TAFA2: variants seen among roughly 807,000 people sequenced by gnomAD.
TAFA2 encodes the protein TAFA chemokine like family member 2.
TAFA2 carries 7 observed loss-of-function variants against 18.8 expected under a neutral mutation model. That is an observed-to-expected ratio of 0.37 (90% CI 0.21 to 0.70). The LOEUF (loss-of-function observed/expected upper bound fraction) is 0.70, where lower values mean the gene tolerates loss of function less well. TAFA2 is among the 30% of genes least tolerant of loss of function. TAFA2 has a pLI of 0.53. For synonymous variants in TAFA2, 60 were observed against 54.2 expected (o/e 1.11, Z -0.47); for missense variants, 122 against 158.1 (o/e 0.77, Z 1.23).
At chr12:61,771,819 G>T (rs1870036257) in intron 2 of TAFA2, among the ~76,000 whole-genome samples, 1 of 143,972 alleles carries the variant, frequency 6.9e-6, no homozygotes, top group South Asian at 2.2e-4. Flanking sequence ...ACACCTCAAG[G>T]AACTAGAGAA....
chr12:61,913,038 T>A (rs1200147318), intron 1 of TAFA2, among the ~76,000 whole-genome samples: 1 of 152,206 alleles, frequency 6.6e-6, no homozygotes, highest in Non-Finnish European at 1.5e-5. Flanking sequence ...GATTTACCTA[T>A]TTATCTATCT....
chr12:62,050,801 C>A (rs542637424), intron 1 of TAFA2, among the ~76,000 whole-genome samples: 1 of 152,268 alleles, frequency 6.6e-6, no homozygotes, highest in South Asian at 2.1e-4. Flanking sequence ...GATGTCACAT[C>A]AGTAGCTTGA....
chr12:61,941,963 G>GGCCT (rs1478061376), intron 1 of TAFA2, among the ~76,000 whole-genome samples: 4 of 152,054 alleles, frequency 2.6e-5, no homozygotes, highest in African/African-American at 7.3e-5. Flanking sequence ...AGCTCAAGGA[G>GGCCT]GCCTGCCTGC....
At chr12:61,862,882 TTA>T (rs1448808346) in intron 2 of TAFA2, among the ~76,000 whole-genome samples, 2 of 152,198 alleles carry the variant, frequency 1.3e-5, no homozygotes, top group Non-Finnish European at 2.9e-5. Flanking sequence ...TCCAGAGCAT[TTA>T]TATCATAAAA....
At chr12:61,880,512 G>A (rs1213778981) in intron 1 of TAFA2, 6 of 521,770 alleles carry the variant, frequency 1.1e-5, no homozygotes, top group African/African-American at 2.0e-5. Flanking sequence ...CTGCTGGAGG[G>A]TGAAGAGAGC....
intron 1 of TAFA2, among the ~76,000 whole-genome samples, chr12:62,108,967 G>C (rs1052457576): frequency 2.6e-5 from 4 of 152,156 alleles, no homozygotes; most frequent in Non-Finnish European, 4.4e-5. Context: ...TTGCTATGCA[G>C]AAGCTCTTTA....
chr12:62,170,259 A>G (rs2062468481), intron 1 of TAFA2, among the ~76,000 whole-genome samples: 2 of 152,208 alleles, frequency 1.3e-5, no homozygotes, highest in African/African-American at 2.4e-5. Flanking sequence ...AATAATAATA[A>G]TAAGTAAAAA....
At chr12:61,909,902 G>T (rs1876527226) in intron 1 of TAFA2, among the ~76,000 whole-genome samples, 1 of 152,166 alleles carries the variant, frequency 6.6e-6, no homozygotes, top group Non-Finnish European at 1.5e-5. Context: ...ATACCATACT[G>T]CCTTTTAAAT....
intron 1 of TAFA2, among the ~76,000 whole-genome samples, chr12:61,975,737 T>A (rs1879410039): frequency 6.6e-6 from 1 of 151,808 alleles, no homozygotes; most frequent in Non-Finnish European, 1.5e-5. Flanking sequence ...TTATCCCCTT[T>A]GAGGTTGTTG....
intron 1 of TAFA2, among the ~76,000 whole-genome samples, chr12:62,026,773 T>C (rs184780983): frequency 6.6e-6 from 1 of 152,280 alleles, no homozygotes; most frequent in East Asian, 1.9e-4. Flanking sequence ...ATTTAGAGTT[T>C]AAACAAAATG....
Position 61,720,707 on chromosome 12 carries a change from G to A in TAFA2, c.385-10290C>T, listed in dbSNP as rs149526961. 3.8e-4 allele frequency: 136 copies of A among 361,686 alleles called. No individual in the cohort carries two copies. In the East Asian group the frequency reaches 7.2e-3, roughly 19 times the overall value. 22.4% of individuals were successfully genotyped at this position (361,686 alleles called of 1,614,324 possible). On this transcript the variant is annotated intron_variant, in intron 4 of 4. Coordinates refer to ENST00000416284, the MANE Select transcript of TAFA2 (RefSeq NM_178539.5). ...CACACCTGCTGCTTTAAACCAAGAC[G>A]GGAGCTCATTTCTGGAGTTGTTTTG...
chr12:61,974,480 T>C (rs1592524399), intron 1 of TAFA2, among the ~76,000 whole-genome samples: 1 of 151,998 alleles, frequency 6.6e-6, no homozygotes, highest in Non-Finnish European at 1.5e-5. Context: ...GATTTGATGC[T>C]ATAATTTTTA....
intron 1 of TAFA2, among the ~76,000 whole-genome samples, chr12:62,018,586 T>C (rs1433296427): frequency 6.6e-6 from 1 of 152,164 alleles, no homozygotes; most frequent in East Asian, 1.9e-4. Flanking sequence ...AGATTCCCTA[T>C]TTAATAAATG....
chr12:61,943,630 CA>C (rs931150181), intron 1 of TAFA2, among the ~76,000 whole-genome samples: 4 of 151,136 alleles, frequency 2.6e-5, no homozygotes, highest in Non-Finnish European at 5.9e-5. Flanking sequence ...CAATGGAAAA[CA>C]AAAAAAGGCA....
chr12:62,069,544 T>A (rs183078914), intron 1 of TAFA2, among the ~76,000 whole-genome samples: 26 of 152,232 alleles, frequency 1.7e-4, no homozygotes, highest in Middle Eastern at 3.4e-3. Flanking sequence ...CAATGGTACA[T>A]GAAAAATGGA....
intron 2 of TAFA2, among the ~76,000 whole-genome samples, chr12:61,812,453 G>A (rs769282777): frequency 2.6e-5 from 4 of 151,420 alleles, no homozygotes; most frequent in South Asian, 2.1e-4. Flanking sequence ...CATCATTGAC[G>A]TGAATAGGAC....
chr12:61,922,110 G>GAGA (rs61180814), intron 1 of TAFA2, among the ~76,000 whole-genome samples: 34,344 of 152,024 alleles, frequency 0.23, 6,429 homozygotes, highest in African/African-American at 0.52. Flanking sequence ...TTGTGTAGAA[G>GAGA]AGGAGAGCAA....
intron 1 of TAFA2, among the ~76,000 whole-genome samples, chr12:61,896,007 A>T (rs1875825921): frequency 6.6e-6 from 1 of 152,052 alleles, no homozygotes; most frequent in Non-Finnish European, 1.5e-5. Context: ...TCAAGCAATT[A>T]GTGAGAGAGA....
chr12:61,757,427 G>T (rs954751520), intron 2 of TAFA2, among the ~76,000 whole-genome samples: 2 of 152,002 alleles, frequency 1.3e-5, no homozygotes, highest in Non-Finnish European at 2.9e-5. Flanking sequence ...TAGTATATCT[G>T]TACTTCTGTT....
Sources: gnomAD v4.1 joint callset for allele counts (sites outside exome capture counted in the v4.1 genomes callset) on GRCh38, gnomAD v4.1.1 for gene constraint, MANE v1.5 for transcripts, NCBI Gene and HGNC (gene_info 2026-07-23, HGNC 2026-07-21) for gene names.